Variants in SLC25A48 observed in about 807,000 individuals in gnomAD.
SLC25A48 encodes the protein solute carrier family 25 member 48, also known as CTC-321K16.1.
A neutral mutation model predicts 32.2 loss-of-function variants in SLC25A48; 29 were observed. That is an observed-to-expected ratio of 0.90 (90% CI 0.67 to 1.23). SLC25A48 has a LOEUF of 1.23. Among genes scored for constraint, SLC25A48 ranks in the 50% most tolerant of loss-of-function variants. SLC25A48 has a pLI of 0.00. For synonymous variants in SLC25A48, 164 were observed against 172.3 expected, an observed-to-expected ratio of 0.95 and a Z score of 0.38; for missense variants, 399 against 422.7, an observed-to-expected ratio of 0.94 and a Z score of 0.49.
intron 3 of SLC25A48, among the ~76,000 whole-genome samples, chr5:135,660,045 G>A (rs1753358458): frequency 6.6e-6 from 1 of 152,210 alleles, no homozygotes; most frequent in Non-Finnish European, 1.5e-5. Flanking sequence ...GATATTGGAT[G>A]CCTCCACTCA....
Position 135,636,138 on chromosome 5 carries a change from C to T in SLC25A48, c.-521+1182C>T, listed in dbSNP as rs548440542. ...TTGGATAATAATCTTGTACTGACCA[C>T]CAGATTGCCCACATATAGGTTACTC... On this transcript the variant is annotated intron_variant, in intron 3 of 10. Transcript: ENST00000646290. 3.9e-5 allele frequency among the ~76,000 whole-genome samples: 6 copies of T among 152,284 alleles called. No homozygotes were observed. The East Asian group carries it at 9.6e-4, about 24-fold the overall frequency.
Position 135,721,192 on chromosome 5 carries a change from C to CTTTTTTTTTTTTTTTTTT in SLC25A48, c.-521+86248_-521+86265dup. On this transcript the variant is annotated intron_variant, in intron 3 of 10. Coordinates refer to the SLC25A48 transcript ENST00000646290. Reference sequence around the variant, plus strand: ...GAGTAGCTGGGACACCATGCCTGGCCTTTTTTTTTTTTTTTTTTTTTTTTT... The same window carrying CTTTTTTTTTTTTTTTTTT: ...GAGTAGCTGGGACACCATGCCTGGCCTTTTTTTTTTTTTTTTTTTTTTTTTTTTTTTTTTTTTTTTTTT... Among the ~76,000 whole-genome samples, 12 of 53,884 alleles carry CTTTTTTTTTTTTTTTTTT rather than the reference C, an allele frequency of 2.2e-4. 1 individual carries two copies. The highest frequency in any genetic ancestry group is 4.2e-4 in the Non-Finnish European group (10 of 23,718). 35.3% of individuals were successfully genotyped at this position (53,884 alleles called of 152,430 possible).
chr5:135,861,975 G>T (rs1464283919), intron 4 of SLC25A48, among the ~76,000 whole-genome samples: 2 of 152,262 alleles, frequency 1.3e-5, no homozygotes, highest in Admixed American at 6.5e-5. Flanking sequence ...GGCAAGCAAG[G>T]AGACATTGGC....
chr5:135,653,418 A>C (rs965593690), intron 3 of SLC25A48, among the ~76,000 whole-genome samples: 6 of 152,198 alleles, frequency 3.9e-5, no homozygotes, highest in Non-Finnish European at 8.8e-5. Flanking sequence ...ACAGTAACCA[A>C]AATATAGGCA....
At chr5:135,686,213 C>T (rs1317519461) in intron 3 of SLC25A48, among the ~76,000 whole-genome samples, 1 of 152,160 alleles carries the variant, frequency 6.6e-6, no homozygotes, top group Non-Finnish European at 1.5e-5. Flanking sequence ...GGAAAATTAG[C>T]AGGTGTTTCT....
chr5:135,583,171 A>AGTGTGTGTGTGTGTGTGT (rs35679412), intron 1 of SLC25A48, among the ~76,000 whole-genome samples: 9 of 150,464 alleles, frequency 6.0e-5, no homozygotes, highest in East Asian at 3.9e-4. Context: ...CATGTGAGAA[A>AGTGTGTGTGTGTGTGTGT]GTGTGTGTGC....
intron 3 of SLC25A48, among the ~76,000 whole-genome samples, chr5:135,698,122 A>T (rs1442119192): frequency 6.6e-6 from 1 of 152,238 alleles, no homozygotes; most frequent in East Asian, 1.9e-4. Flanking sequence ...TTGTCAGTGC[A>T]GGGAGGCCTC....
chr5:135,661,786 T>G (rs981717156), intron 3 of SLC25A48, among the ~76,000 whole-genome samples: 2 of 152,196 alleles, frequency 1.3e-5, no homozygotes, highest in Non-Finnish European at 2.9e-5. Flanking sequence ...TCCTGGACTT[T>G]TAAATTTTTT....
At chr5:135,789,198 C>G (rs931970952) in intron 3 of SLC25A48, among the ~76,000 whole-genome samples, 5 of 21,596 alleles carry the variant, frequency 2.3e-4, no homozygotes, top group African/African-American at 3.4e-4. Flanking sequence ...GGGTGTACAC[C>G]CTCCCCCGCC....
At chr5:135,703,801 T>C (rs1754445625) in intron 3 of SLC25A48, among the ~76,000 whole-genome samples, 1 of 152,216 alleles carries the variant, frequency 6.6e-6, no homozygotes, top group Non-Finnish European at 1.5e-5. Context: ...GCACTCAGCA[T>C]GAATACACAT....
At chr5:135,788,696 G>GGC (rs1756925566) in intron 3 of SLC25A48, among the ~76,000 whole-genome samples, 1 of 151,080 alleles carries the variant, frequency 6.6e-6, no homozygotes, top group Non-Finnish European at 1.5e-5. Context: ...ATCCAGGGGG[G>GGC]GAAGAGGGTG....
intron 2 of SLC25A48, among the ~76,000 whole-genome samples, chr5:135,634,528 C>A (rs1317347227): frequency 6.6e-6 from 1 of 152,202 alleles, no homozygotes; most frequent in Non-Finnish European, 1.5e-5. Context: ...CATGATTTCC[C>A]TAGGGAAACA....
intron 1 of SLC25A48, among the ~76,000 whole-genome samples, chr5:135,585,785 T>A (rs1044539526): frequency 1.6e-4 from 24 of 151,848 alleles, no homozygotes; most frequent in African/African-American, 4.8e-4. Context: ...ATAATAATAA[T>A]AAATAATCAG....
At chr5:135,582,210 A>G (rs1330102538) in intron 1 of SLC25A48, among the ~76,000 whole-genome samples, 2 of 152,092 alleles carry the variant, frequency 1.3e-5, no homozygotes, top group Admixed American at 1.3e-4. Flanking sequence ...GGATTTGCTT[A>G]TTTCTTCTCT....
chr5:135,771,113 C>T (rs544206923), intron 3 of SLC25A48, among the ~76,000 whole-genome samples: 4 of 150,472 alleles, frequency 2.7e-5, no homozygotes, highest in South Asian at 2.1e-4. Context: ...TACACCCCCC[C>T]GGTGATGTTT....
In SLC25A48 at chr5:135,613,712, G is replaced by A. The variant is rs186679856; in HGVS notation, c.-848-15525G>A. ...CTAAGGAGGGTATCCTTTCCCCAGT[G>A]TATGCCCTTGGCACCTTTGTTGAAA... is the stretch of plus-strand genomic sequence containing the variant. On this transcript the variant is annotated intron_variant, in intron 1 of 10. Transcript: ENST00000646290. 1.1e-4 allele frequency among the ~76,000 whole-genome samples: 16 copies of A among 152,276 alleles called. No individual in the cohort carries two copies. In the East Asian group the frequency reaches 2.5e-3, roughly 24 times the overall value.
chr5:135,728,333 C>T (rs1755140219), intron 3 of SLC25A48, among the ~76,000 whole-genome samples: 1 of 151,442 alleles, frequency 6.6e-6, no homozygotes. Flanking sequence ...TTTAAAATAG[C>T]AAAAAAGAAC....
chr5:135,883,797 G>GAACAA (rs1352345388), intron 7 of SLC25A48, among the ~76,000 whole-genome samples: 1 of 152,138 alleles, frequency 6.6e-6, no homozygotes, highest in Admixed American at 6.5e-5. Flanking sequence ...TTTACATGGA[G>GAACAA]AACAAAACAA....
chr5:135,692,380 C>A (rs1225303210), intron 3 of SLC25A48, among the ~76,000 whole-genome samples: 1 of 70,492 alleles, frequency 1.4e-5, no homozygotes, highest in East Asian at 2.8e-4. Context: ...CAGTGGGATT[C>A]TTTTCGGATG....
Sources: gnomAD v4.1 joint callset for allele counts (sites outside exome capture counted in the v4.1 genomes callset) on GRCh38, gnomAD v4.1.1 for gene constraint, MANE v1.5 for transcripts, NCBI Gene and HGNC (gene_info 2026-07-23, HGNC 2026-07-21) for gene names.